The following DAAM2 variants were observed in gnomAD, a reference collection of about 807,000 sequenced individuals.
DAAM2 encodes dishevelled associated activator of morphogenesis 2.
DAAM2 carries 39 observed loss-of-function variants against 120.7 expected under a neutral mutation model. That is an observed-to-expected ratio of 0.32 (90% CI 0.25 to 0.42). DAAM2 has a LOEUF of 0.42. DAAM2 is among the 10% of genes least tolerant of loss of function. The pLI is 1.00. For missense variants in DAAM2, 1,283 were observed against 1,401.7 expected (o/e 0.92, Z 1.35); for synonymous variants, 488 against 524.9 (o/e 0.93, Z 0.96).
At chr6:39,892,641 G>C (rs1183131100) in intron 19 of DAAM2, among the ~76,000 whole-genome samples, 1 of 152,068 alleles carries the variant, frequency 6.6e-6, no homozygotes, top group African/African-American at 2.4e-5. Flanking sequence ...CAGCAGAGTG[G>C]AGCAAGAAAG....
intron 1 of DAAM2, among the ~76,000 whole-genome samples, chr6:39,831,581 C>T (rs1050810337): frequency 6.6e-6 from 1 of 151,494 alleles, no homozygotes; most frequent in African/African-American, 2.4e-5. Flanking sequence ...AGTCTAACTC[C>T]TGAGTTCTGG....
At chr6:39,868,995 TGA>T in intron 7 of DAAM2, 62 bp downstream of exon 7, 2 of 1,192,716 alleles carry the variant, frequency 1.7e-6, no homozygotes, top group African/African-American at 1.5e-5. Context: ...GTAGAGTGTG[TGA>T]GTGTGTTGCT....
At chr6:39,899,448 A>T (rs565466080) in intron 22 of DAAM2, 1 of 165,240 alleles carries the variant, frequency 6.1e-6, no homozygotes, top group South Asian at 1.8e-4. Flanking sequence ...GGAGTGGGGA[A>T]GTGAGCCAGA....
intron 21 of DAAM2, among the ~76,000 whole-genome samples, chr6:39,898,090 C>T (rs1250243128): frequency 6.6e-6 from 1 of 152,242 alleles, no homozygotes; most frequent in East Asian, 1.9e-4. Context: ...GGAAGTGAGC[C>T]AGAGATAGAA....
At chr6:39,844,326 C>A (rs1392998585) in intron 1 of DAAM2, among the ~76,000 whole-genome samples, 1 of 152,002 alleles carries the variant, frequency 6.6e-6, no homozygotes, top group African/African-American at 2.4e-5. Context: ...GGGAGGTATG[C>A]CCCATTGTAA....
rs112443363 is a variant in DAAM2 at position 39,835,032 on chromosome 6, C to T, written c.-56-21215C>T. Among the ~76,000 whole-genome samples, 212 of 152,350 alleles carry T rather than the reference C, an allele frequency of 1.4e-3. 1 individual carries two copies. Among genetic ancestry groups the T allele is most frequent in the African/African-American group, 4.5e-3 (186 of 41,584 alleles). ...ACAATGCCTTACTTGGGTCACTGTG[C>T]GCTTCCCGCATTATGTCATGACTGT... On this transcript the variant is annotated intron_variant, in intron 1 of 24. Transcript: ENST00000274867.
chr6:39,818,317 A>G (rs7763000), intron 1 of DAAM2, among the ~76,000 whole-genome samples: 20,459 of 152,086 alleles, frequency 0.13, 3,020 homozygotes, highest in East Asian at 0.57. Context: ...AGTTAGCCAC[A>G]TGACTCCACC....
intron 1 of DAAM2, among the ~76,000 whole-genome samples, chr6:39,829,608 T>C (rs9462573): frequency 0.23 from 35,392 of 152,134 alleles, 4,269 homozygotes; most frequent in South Asian, 0.37. Flanking sequence ...GTCTGTGGGA[T>C]AACAAAAAAG....
intron 21 of DAAM2, 43 bp from the exon 22 acceptor site, chr6:39,898,834 G>T (rs1226895292): frequency 3.2e-6 from 5 of 1,544,476 alleles, no homozygotes; most frequent in African/African-American, 1.4e-5. Context: ...CTCAAGGCGG[G>T]AGTTGATGGT....
chr6:39,855,547 G>A (rs532545749), intron 1 of DAAM2, among the ~76,000 whole-genome samples: 8 of 152,236 alleles, frequency 5.3e-5, no homozygotes, highest in African/African-American at 9.6e-5. Flanking sequence ...CCCAGGCTTC[G>A]CTCTGACTCC....
chr6:39,890,582 T>A (rs532433796), intron 17 of DAAM2, among the ~76,000 whole-genome samples: 1 of 152,338 alleles, frequency 6.6e-6, no homozygotes, highest in South Asian at 2.1e-4. Context: ...TGAGAGCCTA[T>A]ATTCACTTGA....
In DAAM2 at chr6:39,860,960, G is replaced by A; in HGVS notation, c.201G>A (p.Glu67=). Residue 67 remains glutamate, a synonymous_variant, in exon 3 of 25, where the codon GAG becomes GAA. Transcript: ENST00000274867. ...DELDLTDKNR[E]AMFALPPEKK... ...TGGATCTCACTGACAAAAACCGAGA[G>A]GCTATGTTTGCACTGCCCCCTGAGA... The A allele has an allele frequency of 6.2e-7, 1 of 1,613,332 alleles. No individual in the cohort carries two copies. Among genetic ancestry groups the A allele is most frequent in the African/African-American group, 1.3e-5 (1 of 74,990 alleles).
At chr6:39,893,866 G>A (rs956150028) in intron 19 of DAAM2, among the ~76,000 whole-genome samples, 2 of 152,164 alleles carry the variant, frequency 1.3e-5, no homozygotes, top group African/African-American at 4.8e-5. Context: ...TCCTGGAAGA[G>A]CTAAGATTTA....
intron 10 of DAAM2, among the ~76,000 whole-genome samples, chr6:39,874,035 G>A (rs956012736): frequency 2.6e-5 from 4 of 152,260 alleles, no homozygotes; most frequent in Middle Eastern, 3.4e-3. Context: ...TGATGTTGGC[G>A]GTGTCAGCAA....
chr6:39,841,702 C>T (rs773787787), intron 1 of DAAM2, among the ~76,000 whole-genome samples: 3 of 151,960 alleles, frequency 2.0e-5, no homozygotes, highest in Non-Finnish European at 4.4e-5. Flanking sequence ...TGGCAATAAT[C>T]GGGGTAGAGC....
At chr6:39,862,637 C>G (rs917939917) in intron 3 of DAAM2, 1 of 151,766 alleles carries the variant, frequency 6.6e-6, no homozygotes, top group Non-Finnish European at 1.5e-5. Context: ...AACCCCATCT[C>G]TACTAAAAAA....
chr6:39,891,571 G>A (rs905098883), intron 18 of DAAM2, 63 bp from the exon 19 acceptor site: 80 of 1,540,918 alleles, frequency 5.2e-5, no homozygotes, highest in Admixed American at 7.5e-5. Flanking sequence ...AGCTGGCTCC[G>A]GGAGCTGGGG....
At chr6:39,828,994 G>T (rs929742258) in intron 1 of DAAM2, among the ~76,000 whole-genome samples, 3 of 152,208 alleles carry the variant, frequency 2.0e-5, no homozygotes, top group Non-Finnish European at 2.9e-5. Context: ...AGGGGCTAAC[G>T]CATAGTAGGT....
At chr6:39,871,994 T>C (rs1764682667) in intron 9 of DAAM2, among the ~76,000 whole-genome samples, 1 of 152,268 alleles carries the variant, frequency 6.6e-6, no homozygotes, top group East Asian at 1.9e-4. Flanking sequence ...AAGAAGGATG[T>C]CCTGGCTCCA....
Sources: gnomAD v4.1 joint callset for allele counts (sites outside exome capture counted in the v4.1 genomes callset) on GRCh38, gnomAD v4.1.1 for gene constraint, MANE v1.5 for transcripts, NCBI Gene and HGNC (gene_info 2026-07-23, HGNC 2026-07-21) for gene names.